Variants in NUP205 observed in about 807,000 individuals in gnomAD.
NUP205 encodes the protein nucleoporin 205.
NUP205 carries 76 observed loss-of-function variants against 253.8 expected under a neutral mutation model. That is an observed-to-expected ratio of 0.30 (90% CI 0.25 to 0.36). The LOEUF (loss-of-function observed/expected upper bound fraction) is 0.36, where lower values mean the gene tolerates loss of function less well. Ranked by LOEUF, NUP205 falls within the 10% of genes least tolerant of loss-of-function variation. The pLI, the probability that NUP205 is intolerant of heterozygous loss-of-function variation, is 1.00. For missense variants in NUP205, 2,162 were observed against 2,425.5 expected (o/e 0.89, Z 2.28); for synonymous variants, 832 against 850.1 (o/e 0.98, Z 0.37).
intron 35 of NUP205, among the ~76,000 whole-genome samples, chr7:135,633,482 G>A (rs1362944576): frequency 1.3e-5 from 2 of 152,144 alleles, no homozygotes; most frequent in African/African-American, 2.4e-5. Flanking sequence ...ATTTTAAACA[G>A]TGTGGCATTT....
At chr7:135,578,607 T>C (rs1806218479) in intron 6 of NUP205, 144 bp from the exon 7 acceptor site, 1 of 559,072 alleles carries the variant, frequency 1.8e-6, no homozygotes, top group South Asian at 2.8e-5. Flanking sequence ...TAGTGTACCT[T>C]TTGGGATGTA....
At chr7:135,600,280 G>A (rs570836644) in intron 15 of NUP205, among the ~76,000 whole-genome samples, 8 of 152,268 alleles carry the variant, frequency 5.3e-5, no homozygotes, top group Admixed American at 1.3e-4. Flanking sequence ...GCGATAATGG[G>A]AATATTTGGG....
intron 13 of NUP205, among the ~76,000 whole-genome samples, chr7:135,596,203 G>A (rs1428500436): frequency 6.6e-6 from 1 of 152,168 alleles, no homozygotes; most frequent in Non-Finnish European, 1.5e-5. Flanking sequence ...CAAAGTACTG[G>A]GATTACAGGC....
At chr7:135,603,304 G>A (rs1794004327) in intron 18 of NUP205, among the ~76,000 whole-genome samples, 3 of 151,428 alleles carry the variant, frequency 2.0e-5, no homozygotes, top group Non-Finnish European at 2.9e-5. Flanking sequence ...TGGTAGAGAC[G>A]GGGTTTCACC....
intron 10 of NUP205, among the ~76,000 whole-genome samples, chr7:135,590,393 C>T (rs1301091470): frequency 4.0e-5 from 6 of 151,802 alleles, no homozygotes; most frequent in Non-Finnish European, 5.9e-5. Context: ...CGATTACAGG[C>T]GTGAGCCACT....
chr7:135,619,990 A>G, intron 30 of NUP205, 102 bp downstream of exon 30: 1 of 758,012 alleles, frequency 1.3e-6, no homozygotes, highest in Non-Finnish European at 2.2e-6. Context: ...CACAACTGTA[A>G]AAAATGAGTG....
chr7:135,604,727 C>T (rs1049173082), intron 19 of NUP205, among the ~76,000 whole-genome samples: 6 of 152,222 alleles, frequency 3.9e-5, no homozygotes, highest in African/African-American at 1.2e-4. Context: ...ACTCTCAGCA[C>T]GTTCAAAATG....
At chr7:135,605,527 A>C (rs577817365) in intron 19 of NUP205, among the ~76,000 whole-genome samples, 10 of 152,314 alleles carry the variant, frequency 6.6e-5, no homozygotes, top group Admixed American at 2.6e-4. Flanking sequence ...TTCCCTTTGG[A>C]GTGGTGGTAC....
intron 42 of NUP205, among the ~76,000 whole-genome samples, chr7:135,648,013 C>A (rs1795043583): frequency 6.6e-6 from 1 of 152,164 alleles, no homozygotes; most frequent in Non-Finnish European, 1.5e-5. Context: ...CACCTACCCT[C>A]CTGTCCTCCC....
rs1445620818 is a variant in NUP205 at position 135,628,055 on chromosome 7, C to T, written c.4876C>T (p.Leu1626=). ...CCAGATTCTCCTCCCAGCTCTCCAG[C>T]TGTGCCAGGTCATCCTCACATCTAG... ...YRQILLPALQ[L]CQVILTSSMA... The change falls in exon 34 of 43, where the codon CTG becomes TTG. Residue 1626 remains leucine (L), a synonymous_variant. Transcript: ENST00000285968. 6.2e-7 allele frequency: 1 copy of T among 1,610,960 alleles called. No homozygotes were observed. The highest frequency in any genetic ancestry group is 8.5e-7 in the Non-Finnish European group (1 of 1,179,514).
At position 135,630,380 on chromosome 7, in the gene NUP205, C is replaced by G. The variant is rs368720970; in HGVS notation, c.4969C>G (p.Gln1657Glu). The G allele has an allele frequency of 1.9e-6, 3 of 1,606,316 alleles. No individual in the cohort carries two copies. Among genetic ancestry groups the G allele is most frequent in the African/African-American group, 1.3e-5 (1 of 74,810 alleles). ...QFLISHSDTI[Q>E]AILRCQDVSA... ...TCTTATTTCACATTCTGATACCATA[C>G]AAGCAATTCTGCGCTGTCAGGATGT... Residue 1657 changes from glutamine (Q) to glutamate (E), a missense_variant, in exon 35 of 43, where the codon CAA (glutamine) becomes GAA (glutamate). Transcript: ENST00000285968.
chr7:135,590,604 C>A (rs917304978), intron 10 of NUP205, among the ~76,000 whole-genome samples: 2 of 150,906 alleles, frequency 1.3e-5, no homozygotes, highest in Non-Finnish European at 2.9e-5. Context: ...GCAATCTTGG[C>A]TCACTGCAAC....
intron 28 of NUP205, among the ~76,000 whole-genome samples, chr7:135,619,157 A>T (rs1010521487): frequency 6.6e-6 from 1 of 152,036 alleles, no homozygotes; most frequent in Admixed American, 6.6e-5. Context: ...GGAGCCCAGG[A>T]GTTTGAGACC....
At chr7:135,587,807 T>A (rs777243237) in intron 9 of NUP205, 48 bp from the exon 10 acceptor site, 1 of 1,555,794 alleles carries the variant, frequency 6.4e-7, no homozygotes, top group African/African-American at 1.4e-5. Flanking sequence ...TTGAAAGTAA[T>A]TTTTCAGTCA....
intron 7 of NUP205, among the ~76,000 whole-genome samples, chr7:135,580,171 T>A (rs1462789852): frequency 6.6e-6 from 1 of 152,226 alleles, no homozygotes; most frequent in Non-Finnish European, 1.5e-5. Context: ...ATCAACAGAT[T>A]CTAGTATCTT....
At chr7:135,578,341 T>G (rs1806211083) in intron 6 of NUP205, among the ~76,000 whole-genome samples, 1 of 152,224 alleles carries the variant, frequency 6.6e-6, no homozygotes, top group Non-Finnish European at 1.5e-5. Flanking sequence ...AACTTTTTAT[T>G]AAAACATTCT....
At chr7:135,565,757 G>A (rs1805739096) in intron 1 of NUP205, among the ~76,000 whole-genome samples, 4 of 152,078 alleles carry the variant, frequency 2.6e-5, no homozygotes, top group Admixed American at 2.0e-4. Flanking sequence ...GCCTGTTCTA[G>A]TCCATCAACC....
chr7:135,598,048 G>C lies in NUP205; in HGVS notation c.2115G>C (p.Arg705=), dbSNP rs759631483. The change falls in exon 15 of 43, where the codon CGG becomes CGC. Residue 705 remains arginine (R), a synonymous_variant. Transcript: ENST00000285968. The part of the protein sequence containing the change: ...ESRCEEYPLT[R]AFCQLISTLV... ...GGTGTGAAGAATACCCATTGACTCG[G>C]GCCTTTTGCCAGCTTATTAGTACTC... The C allele has an allele frequency of 1.9e-6, 3 of 1,613,858 alleles. No homozygotes were observed. The highest frequency in any genetic ancestry group is 2.5e-6 in the Non-Finnish European group (3 of 1,179,994).
At chr7:135,566,862 C>G (rs147427331) in intron 1 of NUP205, among the ~76,000 whole-genome samples, 35 of 151,848 alleles carry the variant, frequency 2.3e-4, no homozygotes, top group African/African-American at 8.5e-4. Context: ...CTCAGCCTCC[C>G]GAGTAGCTGG....
Sources: gnomAD v4.1 joint callset for allele counts (sites outside exome capture counted in the v4.1 genomes callset) on GRCh38, gnomAD v4.1.1 for gene constraint, MANE v1.5 for transcripts, NCBI Gene and HGNC (gene_info 2026-07-23, HGNC 2026-07-21) for gene names.